The following SNX29 variants were observed in gnomAD, a reference collection of about 807,000 sequenced individuals.
SNX29 encodes the protein sorting nexin-29.
Under a neutral mutation model 102.1 loss-of-function variants are expected in SNX29, and 78 were observed. The observed-to-expected ratio is 0.76, with a 90% CI of 0.64 to 0.92. SNX29 has a LOEUF of 0.92. Among genes scored for constraint, SNX29 ranks in the 40% least tolerant of loss-of-function variants. The pLI is 0.00. For missense variants in SNX29, 1,280 were observed against 1,061.7 expected, an observed-to-expected ratio of 1.21 and a Z score of -2.86; for synonymous variants, 580 against 414.5, an observed-to-expected ratio of 1.40 and a Z score of -4.85.
chr16:12,534,940 T>A (rs958449770), intron 20 of SNX29, among the ~76,000 whole-genome samples: 3 of 152,168 alleles, frequency 2.0e-5, no homozygotes, highest in Non-Finnish European at 4.4e-5. Context: ...CAGGATGGCC[T>A]CCTCCCTGCA....
chr16:11,998,618 A>G (rs1303901480), intron 1 of SNX29, among the ~76,000 whole-genome samples: 2 of 152,164 alleles, frequency 1.3e-5, no homozygotes, highest in African/African-American at 4.8e-5. Context: ...GCTCCACCCA[A>G]CATGTTTATG....
rs2079233325 is a variant in SNX29, at chr16:12,573,654, C to CA, written c.*5026dup. The CA allele has an allele frequency of 4.5e-6, 1 of 222,388 alleles. No homozygotes were observed. 13.8% of individuals were successfully genotyped at this position (222,388 alleles called of 1,614,324 possible). ...ACGGCAAGGGGAACCACCACTCATT[C>CA]ACTGTCAGTGTAGGTAAGACAGAGG... is the stretch of plus-strand genomic sequence containing the variant. On this transcript the variant is annotated 3_prime_UTR_variant, in exon 21 of 21. Transcript: ENST00000566228.
chr16:12,124,889 C>G (rs542136032), intron 11 of SNX29, among the ~76,000 whole-genome samples: 8 of 152,294 alleles, frequency 5.3e-5, no homozygotes, highest in African/African-American at 1.7e-4. Flanking sequence ...AGAGGGGACC[C>G]CGCAGCATGG....
At position 12,368,095 on chromosome 16, in the gene SNX29, A is replaced by T. The variant is rs573231410; in HGVS notation, c.1899+11816A>T. On this transcript the variant is annotated intron_variant, in intron 16 of 20. Coordinates refer to ENST00000566228, the MANE Select transcript of SNX29 (RefSeq NM_032167.5). ...GGGGAGTTGGAAGTATTAATATCAC[A>T]GAGCTTTCTTTTCTGATGCACTTGT... Among the ~76,000 whole-genome samples the T allele has an allele frequency of 1.9e-3, 295 of 152,308 alleles. 1 individual carries two copies. Among genetic ancestry groups the T allele is most frequent in the African/African-American group, 6.7e-3 (280 of 41,550 alleles).
intron 14 of SNX29, among the ~76,000 whole-genome samples, chr16:12,208,611 T>G (rs1365018531): frequency 6.6e-6 from 1 of 152,062 alleles, no homozygotes; most frequent in Non-Finnish European, 1.5e-5. Context: ...GCAAGAGCCT[T>G]CAGGGAGCCA....
chr16:12,170,630 G>T (rs1192730545), intron 13 of SNX29, among the ~76,000 whole-genome samples: 1 of 151,994 alleles, frequency 6.6e-6, no homozygotes, highest in Non-Finnish European at 1.5e-5. Flanking sequence ...TCACGGATTG[G>T]TTACAGAGGG....
At chr16:12,299,834 T>A (rs2080106962) in intron 15 of SNX29, among the ~76,000 whole-genome samples, 1 of 151,976 alleles carries the variant, frequency 6.6e-6, no homozygotes, top group Non-Finnish European at 1.5e-5. Flanking sequence ...GTATCTTTTT[T>A]CTTACACTAG....
intron 13 of SNX29, among the ~76,000 whole-genome samples, chr16:12,148,256 C>A (rs1187570953): frequency 6.6e-6 from 1 of 152,192 alleles, no homozygotes; most frequent in East Asian, 1.9e-4. Context: ...CATGGAGCTA[C>A]AAAATGCCCT....
intron 1 of SNX29, among the ~76,000 whole-genome samples, chr16:11,986,524 T>A (rs1293525218): frequency 6.6e-6 from 1 of 152,240 alleles, no homozygotes; most frequent in Non-Finnish European, 1.5e-5. Context: ...ACACTATATA[T>A]GCATTTTGCA....
At chr16:12,359,822 TTTTA>T (rs1446384490) in intron 16 of SNX29, among the ~76,000 whole-genome samples, 1 of 152,162 alleles carries the variant, frequency 6.6e-6, no homozygotes, top group East Asian at 1.9e-4. Context: ...CCTATTTTTA[TTTTA>T]TTTATTTATT....
At chr16:12,216,198 A>C (rs2077318913) in intron 14 of SNX29, among the ~76,000 whole-genome samples, 1 of 152,230 alleles carries the variant, frequency 6.6e-6, no homozygotes, top group African/African-American at 2.4e-5. Flanking sequence ...GGAGAAAATA[A>C]AATATCATTG....
At chr16:12,552,778 C>T (rs781504421) in intron 20 of SNX29, among the ~76,000 whole-genome samples, 1 of 152,228 alleles carries the variant, frequency 6.6e-6, no homozygotes, top group African/African-American at 2.4e-5. Flanking sequence ...TTCATCTCAG[C>T]TCTGGGCTTT....
chr16:12,347,814 A>AT (rs1432971149), intron 15 of SNX29, among the ~76,000 whole-genome samples: 1 of 151,754 alleles, frequency 6.6e-6, no homozygotes, highest in Non-Finnish European at 1.5e-5. Context: ...GTGGTGGGTC[A>AT]TGCCTATAAT....
At chr16:12,116,913 G>A (rs967365038) in intron 11 of SNX29, among the ~76,000 whole-genome samples, 13 of 150,080 alleles carry the variant, frequency 8.7e-5, no homozygotes, top group African/African-American at 2.9e-4. Context: ...AAACAGGCAC[G>A]GTCAATACGT....
intron 20 of SNX29, among the ~76,000 whole-genome samples, chr16:12,566,017 T>G (rs1182123200): frequency 1.3e-5 from 2 of 152,190 alleles, no homozygotes; most frequent in African/African-American, 4.8e-5. Context: ...CAGCCCAGCA[T>G]GGTGGTGACA....
intron 13 of SNX29, among the ~76,000 whole-genome samples, chr16:12,198,574 T>G (rs7184204): frequency 2.4e-4 from 37 of 151,590 alleles, no homozygotes; most frequent in African/African-American, 8.5e-4. Flanking sequence ...GTGTAGGGGG[T>G]GGGGCAGAAA....
chr16:12,547,498 C>T (rs536844409), intron 20 of SNX29, among the ~76,000 whole-genome samples: 6 of 152,102 alleles, frequency 3.9e-5, no homozygotes, highest in South Asian at 2.1e-4. Flanking sequence ...CCAGAACTTG[C>T]TGGTTTCAAT....
intron 13 of SNX29, among the ~76,000 whole-genome samples, chr16:12,176,048 CAG>C (rs571297617): frequency 5.9e-4 from 90 of 152,096 alleles, no homozygotes; most frequent in Non-Finnish European, 1.1e-3. Flanking sequence ...AAAATGATAT[CAG>C]GGGACACACT....
At chr16:12,559,617 C>G (rs1036602475) in intron 20 of SNX29, among the ~76,000 whole-genome samples, 1 of 152,184 alleles carries the variant, frequency 6.6e-6, no homozygotes, top group East Asian at 1.9e-4. Flanking sequence ...TGCCACGTGA[C>G]CTTGCACATG....
Sources: gnomAD v4.1 joint callset for allele counts (sites outside exome capture counted in the v4.1 genomes callset) on GRCh38, gnomAD v4.1.1 for gene constraint, MANE v1.5 for transcripts, NCBI Gene and HGNC (gene_info 2026-07-23, HGNC 2026-07-21) for gene names.